The following BCAS4 variants were observed in gnomAD, a reference collection of about 807,000 sequenced individuals.
BCAS4 encodes breast carcinoma amplified sequence 4, also known as breast carcinoma-amplified sequence 4.
A neutral mutation model predicts 15.7 loss-of-function variants in BCAS4; 9 were observed. That is an observed-to-expected ratio of 0.57 (90% confidence interval 0.34 to 1.00). The LOEUF is 1.00. Among genes scored for constraint, BCAS4 ranks in the 50% least tolerant of loss-of-function variants. The pLI is 0.02. For synonymous variants in BCAS4, 101 were observed against 99.5 expected (o/e 1.02, Z -0.09); for missense variants, 225 against 239.1 (o/e 0.94, Z 0.39).
Position 50,795,155 on chromosome 20 carries a change from C to A in BCAS4, c.72C>A (p.Thr24=), listed in dbSNP as rs1285141083. 4 of 1,463,628 alleles carry A rather than the reference C, an allele frequency of 2.7e-6. No homozygotes were observed. The African/African-American group carries it at 4.3e-5, about 16-fold the overall frequency. The allele number at this position is 1,463,628 out of a possible 1,614,324, so 90.7% of individuals were successfully genotyped here. The change falls in exon 1 of 5, where the codon ACC becomes ACA. Residue 24 remains threonine (T), a synonymous_variant. Transcript: ENST00000371608. ...CGCGCGAGCTCGCGCTCTTCCTGAC[C>A]CCCGAGCCTGGGGCCGAGGTAGGGG... is the stretch of plus-strand genomic sequence containing the variant. ...SGARELALFL[T]PEPGAEAKEV...
Position 50,795,216 on chromosome 20 carries a change from G to T in BCAS4, c.90+43G>T, listed in dbSNP as rs2087839545. ...GGAGTTGGAGGAGAGGGTTCTCGCG[G>T]TTAGGGGTCCGGGCTCCGGACCCTC... On this transcript the variant is annotated intron_variant, in intron 1 of 4. Transcript: ENST00000371608. 3 of 1,334,432 alleles carry T rather than the reference G, an allele frequency of 2.2e-6. No homozygotes were observed. The East Asian group carries it at 9.3e-5, about 41-fold the overall frequency. The allele number at this position is 1,334,432 out of a possible 1,614,324, so 82.7% of individuals were successfully genotyped here. A position where few individuals can be genotyped will look rare whatever the true frequency, so the allele number is the denominator to read the frequency against.
At chr20:50,844,592 C>T (rs766682326) in intron 4 of BCAS4, among the ~76,000 whole-genome samples, 72 of 152,176 alleles carry the variant, frequency 4.7e-4, no homozygotes, top group Non-Finnish European at 7.3e-4. Flanking sequence ...ACAGTCATCC[C>T]GATGAGGTTG....
intron 1 of BCAS4, among the ~76,000 whole-genome samples, chr20:50,804,413 T>A (rs182016198): frequency 6.6e-6 from 1 of 152,348 alleles, no homozygotes. Flanking sequence ...TTTTCAGCAG[T>A]TAGACAGAAT....
intron 3 of BCAS4, among the ~76,000 whole-genome samples, chr20:50,841,143 T>C (rs948329982): frequency 1.3e-5 from 2 of 152,202 alleles, no homozygotes; most frequent in African/African-American, 2.4e-5. Flanking sequence ...TTCTTGAAAC[T>C]GGCAGCTCTG....
intron 3 of BCAS4, among the ~76,000 whole-genome samples, chr20:50,839,932 G>T (rs1600875945): frequency 6.6e-6 from 1 of 152,230 alleles, no homozygotes; most frequent in East Asian, 1.9e-4. Context: ...CTAATCCAGA[G>T]AGTCTGATCA....
intron 4 of BCAS4, among the ~76,000 whole-genome samples, chr20:50,853,901 G>A (rs1203566717): frequency 2.0e-5 from 3 of 151,886 alleles, no homozygotes; most frequent in East Asian, 1.9e-4. Context: ...GTGTTTTGCC[G>A]CATCTCTAGC....
At chr20:50,856,055 G>A (rs975862986) in intron 4 of BCAS4, among the ~76,000 whole-genome samples, 4 of 152,150 alleles carry the variant, frequency 2.6e-5, no homozygotes, top group Non-Finnish European at 5.9e-5. Context: ...CACAGCCCAC[G>A]ACAGGCTGCT....
At chr20:50,875,153 C>T (rs1979857416) in intron 4 of BCAS4, among the ~76,000 whole-genome samples, 1 of 152,234 alleles carries the variant, frequency 6.6e-6, no homozygotes, top group Admixed American at 6.5e-5. Context: ...AGACATCTGA[C>T]CCCCTGGCGT....
intron 4 of BCAS4, among the ~76,000 whole-genome samples, chr20:50,845,028 G>A (rs993094369): frequency 1.3e-5 from 2 of 152,170 alleles, no homozygotes; most frequent in Non-Finnish European, 2.9e-5. Context: ...GGTGTGAGCT[G>A]GAGGGGCCCT....
chr20:50,818,307 G>A (rs776344299), intron 2 of BCAS4, 25 bp downstream of exon 2: 1 of 1,605,950 alleles, frequency 6.2e-7, no homozygotes, highest in South Asian at 1.1e-5. Flanking sequence ...GGAAGGCGTG[G>A]GTTTAGGCCC....
chr20:50,857,341 G>T lies in BCAS4; in HGVS notation c.399+15441G>T, dbSNP rs372739783. Among the ~76,000 whole-genome samples, 4 of 152,270 alleles carry T rather than the reference G, an allele frequency of 2.6e-5. No individual in the cohort carries two copies. In the East Asian group the frequency reaches 5.8e-4, roughly 22 times the overall value. ...AGACGGGGTTTCTCCATGCTGGTCA[G>T]ACTGGTCTTGAACTCCGGACCTCAG... On this transcript the variant is annotated intron_variant, in intron 4 of 4. Coordinates refer to ENST00000371608, the MANE Select transcript of BCAS4 (RefSeq NM_198799.4).
chr20:50,862,573 A>G lies in BCAS4; in HGVS notation c.400-13913A>G, dbSNP rs564756530. ...CACGGGCACAGCCAGACCTCCAAGG[A>G]CACCTCATGTCTGAGGAAAGGGGGA... On this transcript the variant is annotated intron_variant, in intron 4 of 4. Transcript: ENST00000371608. Among the ~76,000 whole-genome samples, 269 of 152,262 alleles carry G rather than the reference A, an allele frequency of 1.8e-3. 2 individuals carry two copies. Among genetic ancestry groups the G allele is most frequent in the Admixed American group, 4.1e-3 (62 of 15,298 alleles).
At chr20:50,864,917 A>G (rs1310825565) in intron 4 of BCAS4, among the ~76,000 whole-genome samples, 1 of 150,222 alleles carries the variant, frequency 6.7e-6, no homozygotes, top group African/African-American at 2.5e-5. Flanking sequence ...AACATGGTGA[A>G]ACCCCGTCTC....
intron 1 of BCAS4, among the ~76,000 whole-genome samples, chr20:50,798,910 C>G (rs890578906): frequency 6.6e-6 from 1 of 152,184 alleles, no homozygotes. Flanking sequence ...CAAACAGAGG[C>G]TCTCATGGCA....
intron 1 of BCAS4, among the ~76,000 whole-genome samples, chr20:50,805,381 A>T (rs2123752813): frequency 6.6e-6 from 1 of 152,318 alleles, no homozygotes; most frequent in South Asian, 2.1e-4. Flanking sequence ...AGACAGTTTT[A>T]TTTGGCTGTC....
chr20:50,854,220 G>A (rs1049822360), intron 4 of BCAS4, among the ~76,000 whole-genome samples: 1 of 151,888 alleles, frequency 6.6e-6, no homozygotes, highest in South Asian at 2.1e-4. Flanking sequence ...GCTGCTGGCC[G>A]GCTCCATGGC....
intron 2 of BCAS4, among the ~76,000 whole-genome samples, chr20:50,829,186 G>T (rs1234977215): frequency 1.3e-5 from 2 of 152,192 alleles, no homozygotes; most frequent in Non-Finnish European, 2.9e-5. Context: ...ACTAGGAGAG[G>T]CTGGGAATCA....
intron 4 of BCAS4, among the ~76,000 whole-genome samples, chr20:50,845,444 A>G (rs2088531843): frequency 1.3e-5 from 2 of 152,062 alleles, no homozygotes; most frequent in Non-Finnish European, 1.5e-5. Context: ...CTGAAGGGCC[A>G]TCACCCTCAG....
At chr20:50,879,623 CTTCT>C (rs927867277), downstream of BCAS4, 5 of 152,210 alleles carry the variant, frequency 3.3e-5, no homozygotes, top group African/African-American at 1.2e-4. Flanking sequence ...CACTCCCAGG[CTTCT>C]TTCTCCTCCC....
Sources: allele counts gnomAD v4.1 joint callset (sites outside exome capture counted in the v4.1 genomes callset), GRCh38; gene constraint gnomAD v4.1.1; transcripts MANE v1.5; gene names NCBI Gene and HGNC (gene_info 2026-07-23, HGNC 2026-07-21).